CFAP299: variants seen among roughly 807,000 people sequenced by gnomAD.
CFAP299 encodes cilia and flagella associated protein 299.
Under a neutral mutation model 27.0 loss-of-function variants are expected in CFAP299, and 21 were observed. The ratio of observed to expected loss-of-function variants is 0.78; its 90% CI spans 0.55 to 1.12. The LOEUF (loss-of-function observed/expected upper bound fraction) is 1.12, where lower values mean the gene tolerates loss of function less well. Among genes scored for constraint, CFAP299 ranks in the 50% most tolerant of loss-of-function variants. The pLI is 0.00. For missense variants in CFAP299, 310 were observed against 276.6 expected, an observed-to-expected ratio of 1.12 and a Z score of -0.86; for synonymous variants, 104 against 98.1, an observed-to-expected ratio of 1.06 and a Z score of -0.36.
At position 80,820,878 on chromosome 4, in the gene CFAP299, A is replaced by T. The variant is rs371830980; in HGVS notation, c.334-49115A>T. Reference sequence around the variant, plus strand: ...AATATAATACATAGAAACTTCTTAAATAATATAAGCTGTGATTTTGGATAA... The same window carrying T: ...AATATAATACATAGAAACTTCTTAATTAATATAAGCTGTGATTTTGGATAA... On this transcript the variant is annotated intron_variant, in intron 3 of 5. Coordinates refer to ENST00000358105, the MANE Select transcript of CFAP299 (RefSeq NM_152770.3). Among the ~76,000 whole-genome samples, 10 of 152,356 alleles carry T rather than the reference A, an allele frequency of 6.6e-5. No homozygotes were observed. The South Asian group carries it at 2.1e-3, about 32-fold the overall frequency.
At chr4:80,384,509 A>G (rs999876344) in intron 2 of CFAP299, among the ~76,000 whole-genome samples, 2 of 152,288 alleles carry the variant, frequency 1.3e-5, no homozygotes, top group African/African-American at 2.4e-5. Flanking sequence ...TTTTGTCTAC[A>G]TTGTTAACTA....
At chr4:80,624,227 A>C (rs1489727438) in intron 3 of CFAP299, among the ~76,000 whole-genome samples, 2 of 152,152 alleles carry the variant, frequency 1.3e-5, no homozygotes, top group African/African-American at 2.4e-5. Context: ...AACTTCAACA[A>C]AAATACAAAG....
At chr4:80,674,601 A>C (rs1719283687) in intron 3 of CFAP299, among the ~76,000 whole-genome samples, 1 of 152,174 alleles carries the variant, frequency 6.6e-6, no homozygotes, top group South Asian at 2.1e-4. Context: ...CTCCTGGATA[A>C]TATCCTGAAG....
At chr4:80,518,028 T>C (rs1732671832) in intron 2 of CFAP299, among the ~76,000 whole-genome samples, 1 of 152,106 alleles carries the variant, frequency 6.6e-6, no homozygotes, top group Non-Finnish European at 1.5e-5. Context: ...TTAAGAGTTT[T>C]AGAGTGGACC....
intron 2 of CFAP299, among the ~76,000 whole-genome samples, chr4:80,546,548 A>G (rs1027493797): frequency 6.6e-6 from 1 of 152,148 alleles, no homozygotes; most frequent in Middle Eastern, 3.2e-3. Flanking sequence ...TCCACATCCA[A>G]ATCTCATGTT....
chr4:80,801,575 T>C (rs185678612), intron 3 of CFAP299, among the ~76,000 whole-genome samples: 1 of 151,484 alleles, frequency 6.6e-6, no homozygotes, highest in African/African-American at 2.4e-5. Context: ...ATCAGTTTTA[T>C]GAATTATTAA....
intron 2 of CFAP299, among the ~76,000 whole-genome samples, chr4:80,484,196 TTAAC>T (rs1387239989): frequency 6.6e-6 from 1 of 152,128 alleles, no homozygotes; most frequent in Non-Finnish European, 1.5e-5. Flanking sequence ...TGATACTTGA[TTAAC>T]CAATAGTATA....
intron 3 of CFAP299, among the ~76,000 whole-genome samples, chr4:80,844,297 T>G (rs183761736): frequency 1.1e-3 from 165 of 152,280 alleles, no homozygotes; most frequent in African/African-American, 3.8e-3. Flanking sequence ...TCAAATGGTA[T>G]TTCTAGTTCT....
At chr4:80,348,366 G>T (rs1400193255) in intron 1 of CFAP299, among the ~76,000 whole-genome samples, 2 of 152,152 alleles carry the variant, frequency 1.3e-5, no homozygotes, top group African/African-American at 4.8e-5. Context: ...CAGAATTGTA[G>T]AAAATTTTTG....
intron 4 of CFAP299, among the ~76,000 whole-genome samples, chr4:80,934,279 T>G (rs1260402186): frequency 6.6e-6 from 1 of 152,274 alleles, no homozygotes; most frequent in Non-Finnish European, 1.5e-5. Flanking sequence ...TTGCAAATAG[T>G]GTATAATCTT....
intron 2 of CFAP299, among the ~76,000 whole-genome samples, chr4:80,563,259 G>A (rs1194239573): frequency 6.6e-6 from 1 of 151,970 alleles, no homozygotes; most frequent in Non-Finnish European, 1.5e-5. Context: ...TTTTTCCTCA[G>A]CACATGGATC....
intron 3 of CFAP299, among the ~76,000 whole-genome samples, chr4:80,594,462 C>T (rs1361312570): frequency 1.3e-5 from 2 of 152,166 alleles, no homozygotes; most frequent in African/African-American, 4.8e-5. Context: ...CAAAGCCAAA[C>T]CATATCACTA....
At chr4:80,770,386 G>A (rs1285970885) in intron 3 of CFAP299, among the ~76,000 whole-genome samples, 3 of 152,052 alleles carry the variant, frequency 2.0e-5, no homozygotes, top group Non-Finnish European at 4.4e-5. Context: ...TTAGCACTTT[G>A]CTTGACAATC....
At chr4:80,798,497 A>G (rs1056769669) in intron 3 of CFAP299, among the ~76,000 whole-genome samples, 3 of 152,012 alleles carry the variant, frequency 2.0e-5, no homozygotes, top group Admixed American at 1.3e-4. Flanking sequence ...TTTCCATTCA[A>G]TGCCCTCACT....
intron 3 of CFAP299, among the ~76,000 whole-genome samples, chr4:80,597,437 T>C (rs1041770352): frequency 1.3e-5 from 2 of 152,168 alleles, no homozygotes; most frequent in African/African-American, 4.8e-5. Flanking sequence ...GTAGGCAATT[T>C]GTACATATTC....
rs181017891 is a variant in CFAP299 at position 80,493,243 on chromosome 4, T to C, written c.243-89850T>C. Among the ~76,000 whole-genome samples, 4 of 152,324 alleles carry C rather than the reference T, an allele frequency of 2.6e-5. No homozygotes were observed. In the East Asian group the frequency reaches 7.7e-4, roughly 29 times the overall value. ...TAGCACTTGAATATAAAACTTTCTTTTAATTATCAGCAAGGCAAGGTACTT... is the reference window on the plus strand; with the variant it reads ...TAGCACTTGAATATAAAACTTTCTTCTAATTATCAGCAAGGCAAGGTACTT... On this transcript the variant is annotated intron_variant, in intron 2 of 5. Coordinates refer to ENST00000358105, the MANE Select transcript of CFAP299 (RefSeq NM_152770.3).
At chr4:80,455,096 C>T (rs940285967) in intron 2 of CFAP299, among the ~76,000 whole-genome samples, 8 of 152,136 alleles carry the variant, frequency 5.3e-5, no homozygotes, top group African/African-American at 1.9e-4. Context: ...AGCAAGGTTT[C>T]AAATCTTGAG....
At chr4:80,763,398 G>A (rs1725650572) in intron 3 of CFAP299, among the ~76,000 whole-genome samples, 1 of 151,944 alleles carries the variant, frequency 6.6e-6, no homozygotes, top group South Asian at 2.1e-4. Context: ...AACTTAAAAG[G>A]GACGTGAAGG....
intron 3 of CFAP299, among the ~76,000 whole-genome samples, chr4:80,787,245 T>C (rs1727301036): frequency 6.7e-6 from 1 of 148,700 alleles, no homozygotes; most frequent in Non-Finnish European, 1.5e-5. Context: ...AATATATATA[T>C]ATAGTAAATA....
Sources: gnomAD v4.1 joint callset for allele counts (sites outside exome capture counted in the v4.1 genomes callset) on GRCh38, gnomAD v4.1.1 for gene constraint, MANE v1.5 for transcripts, NCBI Gene and HGNC (gene_info 2026-07-23, HGNC 2026-07-21) for gene names.